Variants in SFXN2 observed in about 807,000 individuals in gnomAD.
The protein encoded by SFXN2 is sideroflexin-2.
Under a neutral mutation model 41.9 loss-of-function variants are expected in SFXN2, and 37 were observed. That is an observed-to-expected ratio of 0.88 (90% CI 0.68 to 1.16). The LOEUF (loss-of-function observed/expected upper bound fraction) is 1.16. SFXN2 is among the 50% of genes most tolerant of loss of function. The pLI, the probability that SFXN2 is intolerant of heterozygous loss-of-function variation, is 0.00. For missense variants in SFXN2, 386 were observed against 425.2 expected (o/e 0.91, Z 0.81); for synonymous variants, 150 against 156.7 (o/e 0.96, Z 0.32).
At chr10:102,718,084 T>C (rs924833989) in intron 1 of SFXN2, among the ~76,000 whole-genome samples, 1 of 152,158 alleles carries the variant, frequency 6.6e-6, no homozygotes, top group Non-Finnish European at 1.5e-5. Context: ...TTTTTTTTGT[T>C]TTGTTTTTGT....
chr10:102,729,896 C>A, intron 6 of SFXN2, 88 bp downstream of exon 6: 1 of 1,436,102 alleles, frequency 7.0e-7, no homozygotes, highest in Non-Finnish European at 9.7e-7. Context: ...CTTCTGGGGA[C>A]TGCGGTGGGC....
At chr10:102,733,944 A>G (rs1007255209) in intron 10 of SFXN2, among the ~76,000 whole-genome samples, 3 of 151,348 alleles carry the variant, frequency 2.0e-5, no homozygotes, top group African/African-American at 2.4e-5. Flanking sequence ...CTGGAGTGCA[A>G]TGGCGCAGCC....
rs2064706646 is a variant in SFXN2, at chr10:102,731,704, A to G, written c.594-19A>G. 6.2e-7 allele frequency: 1 copy of G among 1,610,682 alleles called. No homozygotes were observed. Among genetic ancestry groups the G allele is most frequent in the Admixed American group, 1.7e-5 (1 of 59,786 alleles). ...CCATCACCCCTTTCCCAAGTCCATT[A>G]ACTCCTGTCTGTGTTTAGGGAGCTC... On this transcript the variant is annotated intron_variant, in intron 6 of 11. Coordinates refer to ENST00000369893, the MANE Select transcript of SFXN2 (RefSeq NM_178858.6).
rs1043134262 is a variant in SFXN2, at chr10:102,736,605, C to T, written c.869+696C>T. On this transcript the variant is annotated intron_variant, in intron 11 of 11. Transcript: ENST00000369893. ...CTAATTTTTGTATTTTTAGTAGAGA[C>T]GGGGTTTCACCATGTTGGCCAGGAT... 5.9e-5 allele frequency among the ~76,000 whole-genome samples: 9 copies of T among 151,860 alleles called. No homozygotes were observed. The South Asian group carries it at 8.3e-4, about 14-fold the overall frequency.
chr10:102,737,711 G>A lies in SFXN2; in HGVS notation c.918G>A (p.Lys306=). The stretch of plus-strand genomic sequence containing the variant: ...AACCGAAGCTCCAAGACACTATCAA[G>A]GCCAAGTATGGAGAACTTGAGCCTT... ...YLEPKLQDTI[K]AKYGELEPYV... The change falls in exon 12 of 12, where the codon AAG becomes AAA. Residue 306 remains lysine, a synonymous_variant. Coordinates refer to ENST00000369893, the MANE Select transcript of SFXN2 (RefSeq NM_178858.6). 1 of 1,613,080 alleles carries A rather than the reference G, an allele frequency of 6.2e-7. No homozygotes were observed. Among genetic ancestry groups the A allele is most frequent in the Non-Finnish European group, 8.5e-7 (1 of 1,179,256 alleles).
chr10:102,715,930 CAAA>C (rs11464783), intron 1 of SFXN2, among the ~76,000 whole-genome samples: 5 of 94,930 alleles, frequency 5.3e-5, no homozygotes, highest in Non-Finnish European at 6.5e-5. Flanking sequence ...GACCCTGCCT[CAAA>C]AAAAAAAAAA....
In SFXN2 at chr10:102,734,089, C is replaced by T. The variant is rs779032908; in HGVS notation, c.821+486C>T. ...TTCATCATGTTGGCCAGGCTGGTCTCGAACTCCTGACCTCAAGTGATCCAC... is the reference window on the plus strand; with the variant it reads ...TTCATCATGTTGGCCAGGCTGGTCTTGAACTCCTGACCTCAAGTGATCCAC... On this transcript the variant is annotated intron_variant, in intron 10 of 11. Transcript: ENST00000369893. The surrounding 1 kb of genome is among the most constrained non-coding windows in gnomAD (Gnocchi z 4.1). Among the ~76,000 whole-genome samples the T allele has an allele frequency of 1.3e-5, 2 of 152,076 alleles. No homozygotes were observed. The highest frequency in any genetic ancestry group is 2.1e-4 in the South Asian group (1 of 4,824).
At chr10:102,720,557 G>A (rs2064495028) in intron 1 of SFXN2, among the ~76,000 whole-genome samples, 1 of 151,002 alleles carries the variant, frequency 6.6e-6, no homozygotes, top group African/African-American at 2.4e-5. Context: ...GGAGTAGTGA[G>A]CCATGATCAT....
At chr10:102,716,044 A>T (rs1046538247) in intron 1 of SFXN2, among the ~76,000 whole-genome samples, 1 of 152,070 alleles carries the variant, frequency 6.6e-6, no homozygotes, top group Non-Finnish European at 1.5e-5. Context: ...TGATGAATGG[A>T]GGTGATACAG....
In SFXN2 at chr10:102,726,536, A is replaced by G. The variant is rs929578198; in HGVS notation, c.-25-76A>G. The G allele has an allele frequency of 3.4e-6, 5 of 1,469,512 alleles. No individual in the cohort carries two copies. The African/African-American group carries it at 7.0e-5, about 20-fold the overall frequency. 91.0% of individuals were successfully genotyped at this position (1,469,512 alleles called of 1,614,324 possible). A position where few individuals can be genotyped will look rare whatever the true frequency, so the allele number is the denominator to read the frequency against. On this transcript the variant is annotated intron_variant, in intron 1 of 11. Coordinates refer to ENST00000369893, the MANE Select transcript of SFXN2 (RefSeq NM_178858.6). Reference sequence around the variant, plus strand: ...TAGCTGGTGAGAGCAGGCAGTCTGCAACAGTGGGACGTGCTCAGGTCCTCT... The same window carrying G: ...TAGCTGGTGAGAGCAGGCAGTCTGCGACAGTGGGACGTGCTCAGGTCCTCT...
At position 102,734,145 on chromosome 10, in the gene SFXN2, T is replaced by C. The variant is rs934178017; in HGVS notation, c.821+542T>C. On this transcript the variant is annotated intron_variant, in intron 10 of 11. Coordinates refer to ENST00000369893, the MANE Select transcript of SFXN2 (RefSeq NM_178858.6). The surrounding 1 kb of genome is among the most constrained non-coding windows in gnomAD (Gnocchi z 4.1). ...TCGGCCTCCCAAATTGCTGGGATTA[T>C]AGGCATGAGCCACTGCGCCTGGCTG... is the stretch of plus-strand genomic sequence containing the variant. Among the ~76,000 whole-genome samples, 9 of 152,066 alleles carry C rather than the reference T, an allele frequency of 5.9e-5. No individual in the cohort carries two copies. The highest frequency in any genetic ancestry group is 2.2e-4 in the African/African-American group (9 of 41,420).
Position 102,726,612 on chromosome 10 carries a change from G to A in SFXN2, c.-25G>A. 4 of 1,613,696 alleles carry A rather than the reference G, an allele frequency of 2.5e-6. No individual in the cohort carries two copies. Among genetic ancestry groups the A allele is most frequent in the Non-Finnish European group, 3.4e-6 (4 of 1,179,752 alleles). On this transcript the variant is annotated splice_region_variant and 5_prime_UTR_variant, in exon 2 of 12. Transcript: ENST00000369893. ...GTCATCTTCTTCCTTTGTCCCTTAG[G>A]TCCACAGTTTTATGTGTGAGCAAGA...
intron 1 of SFXN2, among the ~76,000 whole-genome samples, chr10:102,723,812 T>C (rs1167875351): frequency 2.0e-5 from 3 of 152,202 alleles, no homozygotes; most frequent in Non-Finnish European, 4.4e-5. Flanking sequence ...TGCATTAATA[T>C]TATTTGTTTC....
At chr10:102,719,836 A>C (rs889903753) in intron 1 of SFXN2, among the ~76,000 whole-genome samples, 2 of 152,246 alleles carry the variant, frequency 1.3e-5, no homozygotes, top group Non-Finnish European at 2.9e-5. Flanking sequence ...CAAGAAAAAA[A>C]CAAAATGACC....
At position 102,739,633 on chromosome 10, in the gene SFXN2, C is replaced by CG. The variant is rs1382596265; in HGVS notation, c.*1874dup. 1 of 152,124 alleles carries CG rather than the reference C, an allele frequency of 6.6e-6. No individual in the cohort carries two copies. The highest frequency in any genetic ancestry group is 2.4e-5 in the African/African-American group (1 of 41,422). The allele number at this position is 152,124 out of a possible 1,614,324, so 9.4% of individuals were successfully genotyped here. The stretch of plus-strand genomic sequence containing the variant: ...GTGGTTCTTAAGCACATGCATCAAC[C>CG]GGGCGCAGTGGCTCATGCCTGTAAT... On this transcript the variant is annotated 3_prime_UTR_variant, in exon 12 of 12. Transcript: ENST00000369893.
chr10:102,733,517 T>G (rs904687297), intron 9 of SFXN2, 37 bp from the exon 10 acceptor site: 2 of 1,571,748 alleles, frequency 1.3e-6, no homozygotes, highest in Non-Finnish European at 1.8e-6. Flanking sequence ...GGCATAGAAG[T>G]ACCATGTGGA....
intron 1 of SFXN2, among the ~76,000 whole-genome samples, chr10:102,720,078 G>T (rs2064484164): frequency 6.6e-6 from 1 of 152,018 alleles, no homozygotes; most frequent in Non-Finnish European, 1.5e-5. Flanking sequence ...GGGTCACGAG[G>T]TCAGGAGATC....
intron 1 of SFXN2, among the ~76,000 whole-genome samples, chr10:102,717,374 C>T (rs192575544): frequency 5.4e-4 from 82 of 152,064 alleles, no homozygotes; most frequent in Non-Finnish European, 9.7e-4. Context: ...GTGATCCGTC[C>T]GCCTCGGCCT....
At chr10:102,721,964 C>T (rs1436581584) in intron 1 of SFXN2, among the ~76,000 whole-genome samples, 1 of 152,164 alleles carries the variant, frequency 6.6e-6, no homozygotes, top group Non-Finnish European at 1.5e-5. Context: ...TTGGTCTCTC[C>T]TCTGAGTGCA....
Sources: allele counts gnomAD v4.1 joint callset (sites outside exome capture counted in the v4.1 genomes callset), GRCh38; gene constraint gnomAD v4.1.1; non-coding constraint Gnocchi (gnomAD v3.1); transcripts MANE v1.5; gene names NCBI Gene and HGNC (gene_info 2026-07-23, HGNC 2026-07-21).